Variants in CFTR observed in about 807,000 individuals in gnomAD.
CFTR encodes the protein CF transmembrane conductance regulator, also known as cystic fibrosis transmembrane conductance regulator.
Under a neutral mutation model 171.6 loss-of-function variants are expected in CFTR, and 181 were observed. The ratio of observed to expected loss-of-function variants is 1.05; its 90% confidence interval spans 0.93 to 1.19. The LOEUF (loss-of-function observed/expected upper bound fraction) is 1.19. Among genes scored for constraint, CFTR ranks in the 50% most tolerant of loss-of-function variants. The pLI is 0.00. For missense variants in CFTR, 1,968 were observed against 1,734.7 expected (o/e 1.13, Z -2.39); for synonymous variants, 583 against 608.0 (o/e 0.96, Z 0.60).
intron 8 of CFTR, among the ~76,000 whole-genome samples, chr7:117,540,569 A>G (rs1436741528): frequency 6.6e-6 from 1 of 152,218 alleles, no homozygotes. Flanking sequence ...ATGCCAAATT[A>G]CCTTAAAATC....
intron 15 of CFTR, among the ~76,000 whole-genome samples, chr7:117,598,884 A>G (rs953491474): frequency 3.9e-5 from 6 of 152,228 alleles, no homozygotes; most frequent in African/African-American, 1.2e-4. Context: ...TTTAAAATAC[A>G]TCATGATTAT....
intron 4 of CFTR, among the ~76,000 whole-genome samples, chr7:117,532,463 T>A (rs1798879755): frequency 6.6e-6 from 1 of 152,202 alleles, no homozygotes; most frequent in South Asian, 2.1e-4. Flanking sequence ...CAGAACATGG[T>A]GTGAACACTG....
intron 15 of CFTR, among the ~76,000 whole-genome samples, chr7:117,598,736 C>T (rs112433140): frequency 7.2e-5 from 11 of 152,226 alleles, no homozygotes; most frequent in African/African-American, 1.7e-4. Flanking sequence ...CTCTGGACTC[C>T]GACTACTCAG....
chr7:117,487,385 A>G (rs921085351), intron 1 of CFTR, among the ~76,000 whole-genome samples: 2 of 152,118 alleles, frequency 1.3e-5, no homozygotes, highest in African/African-American at 2.4e-5. Context: ...GAACTCTCCT[A>G]TATAACCTGC....
intron 23 of CFTR, 129 bp from the exon 24 acceptor site, chr7:117,652,713 G>A: frequency 1.8e-6 from 1 of 564,344 alleles, no homozygotes; most frequent in Non-Finnish European, 3.2e-6. Context: ...AGAACTTGAT[G>A]GTAAGTACAT....
chr7:117,565,861 A>T (rs914343376), intron 11 of CFTR, among the ~76,000 whole-genome samples: 3 of 152,174 alleles, frequency 2.0e-5, no homozygotes, highest in Admixed American at 2.0e-4. Context: ...AAGTATGAAA[A>T]AGCTTGGGAG....
chr7:117,658,868 G>T (rs1793222007), intron 24 of CFTR, among the ~76,000 whole-genome samples: 1 of 152,092 alleles, frequency 6.6e-6, no homozygotes, highest in African/African-American at 2.4e-5. Context: ...AGTTCATTCT[G>T]CTCTTTGCAG....
intron 3 of CFTR, among the ~76,000 whole-genome samples, chr7:117,516,259 AT>A (rs770205979): frequency 2.0e-4 from 30 of 151,932 alleles, no homozygotes; most frequent in Non-Finnish European, 4.0e-4. Flanking sequence ...CTCTGCTGGG[AT>A]CTGCTTTATG....
chr7:117,521,990 G>A (rs569882325), intron 3 of CFTR, among the ~76,000 whole-genome samples: 1 of 152,182 alleles, frequency 6.6e-6, no homozygotes, highest in African/African-American at 2.4e-5. Flanking sequence ...TAACTTTGAA[G>A]CTCTGGTCTT....
chr7:117,588,557 C>G (rs1258459871), intron 12 of CFTR, among the ~76,000 whole-genome samples: 1 of 152,092 alleles, frequency 6.6e-6, no homozygotes, highest in Non-Finnish European at 1.5e-5. Flanking sequence ...AACAAGAAAT[C>G]ACATTGACTC....
intron 11 of CFTR, among the ~76,000 whole-genome samples, chr7:117,561,247 A>G (rs1429313858): frequency 1.3e-5 from 2 of 152,092 alleles, no homozygotes; most frequent in African/African-American, 4.8e-5. Context: ...AGTGTGTGGT[A>G]TGTGAATCAT....
At chr7:117,508,431 A>G (rs761784061) in intron 2 of CFTR, among the ~76,000 whole-genome samples, 1 of 152,206 alleles carries the variant, frequency 6.6e-6, no homozygotes, top group Non-Finnish European at 1.5e-5. Context: ...AAAATATATA[A>G]TTTGATCTTG....
In CFTR at chr7:117,660,020, A is replaced by G. The variant is rs537821891; in HGVS notation, c.3964-4668A>G. 4.7e-5 allele frequency among the ~76,000 whole-genome samples: 7 copies of G among 147,770 alleles called. No individual in the cohort carries two copies. In the South Asian group the frequency reaches 1.5e-3, roughly 32 times the overall value. ...AGTCAACATTTTGAATCCTTTACAAACTCTTAGACATTTTTTTTTTTTTAG... is the reference window on the plus strand; with the variant it reads ...AGTCAACATTTTGAATCCTTTACAAGCTCTTAGACATTTTTTTTTTTTTAG... On this transcript the variant is annotated intron_variant, in intron 24 of 26. Coordinates refer to ENST00000003084, the MANE Select transcript of CFTR (RefSeq NM_000492.4).
chr7:117,510,411 T>C (rs952201071), intron 3 of CFTR, among the ~76,000 whole-genome samples: 1 of 152,172 alleles, frequency 6.6e-6, no homozygotes, highest in Non-Finnish European at 1.5e-5. Flanking sequence ...TCTGATCCTA[T>C]CATATAAATC....
intron 11 of CFTR, among the ~76,000 whole-genome samples, chr7:117,577,232 G>A (rs566235082): frequency 2.0e-5 from 3 of 152,234 alleles, no homozygotes; most frequent in African/African-American, 7.2e-5. Context: ...AGGGTAAGGT[G>A]GATATAGAGG....
intron 24 of CFTR, among the ~76,000 whole-genome samples, chr7:117,662,223 ACT>A (rs575505214): frequency 2.0e-5 from 3 of 151,596 alleles, no homozygotes; most frequent in Non-Finnish European, 4.4e-5. Context: ...ATTCATCAAA[ACT>A]CTGTTTTGTT....
rs138257490 is a variant in CFTR at position 117,486,896 on chromosome 7, G to GGAGAGA, written c.53+6766_53+6771dup. 4.5e-3 allele frequency among the ~76,000 whole-genome samples: 515 copies of GGAGAGA among 113,616 alleles called. 5 individuals are homozygous for GGAGAGA. The highest frequency in any genetic ancestry group is 0.014 in the African/African-American group (418 of 29,872). The allele number at this position is 113,616 out of a possible 152,430, so 74.5% of individuals were successfully genotyped here. On this transcript the variant is annotated intron_variant, in intron 1 of 26. Transcript: ENST00000003084. The stretch of plus-strand genomic sequence containing the variant: ...GGGTGGGGTGGGGGGGAGGGGGCGG[G>GGAGAGA]GAGAGAGAGAGAGAGAGAGAGATTT...
intron 3 of CFTR, among the ~76,000 whole-genome samples, chr7:117,513,915 A>G (rs1798560432): frequency 6.6e-6 from 1 of 152,136 alleles, no homozygotes; most frequent in South Asian, 2.1e-4. Flanking sequence ...TGTGCTGCCT[A>G]CTGCATTGTA....
intron 22 of CFTR, among the ~76,000 whole-genome samples, chr7:117,628,502 T>C (rs1390772221): frequency 6.6e-6 from 1 of 152,142 alleles, no homozygotes; most frequent in Non-Finnish European, 1.5e-5. Flanking sequence ...TTGATATTTT[T>C]TAGATAAAAT....
Sources: gnomAD v4.1 joint callset for allele counts (sites outside exome capture counted in the v4.1 genomes callset) on GRCh38, gnomAD v4.1.1 for gene constraint, MANE v1.5 for transcripts, NCBI Gene and HGNC (gene_info 2026-07-23, HGNC 2026-07-21) for gene names.